The following TCTN1 variants were observed in gnomAD, a reference collection of about 807,000 sequenced individuals.
TCTN1 encodes tectonic-1.
TCTN1 carries 58 observed loss-of-function variants against 65.8 expected under a neutral mutation model. The ratio of observed to expected loss-of-function variants is 0.88; its 90% CI spans 0.71 to 1.10. TCTN1 has a LOEUF of 1.10. Ranked by LOEUF, TCTN1 falls within the 50% of genes least tolerant of loss-of-function variation. The probability of loss-of-function intolerance (pLI) is 0.00; values close to 1 mark genes in which losing one functional copy is unlikely to be tolerated. For missense variants in TCTN1, 645 were observed against 719.4 expected (o/e 0.90, Z 1.18); for synonymous variants, 273 against 289.1 (o/e 0.94, Z 0.57).
At chr12:110,618,869 C>A (rs941083782) in intron 1 of TCTN1, among the ~76,000 whole-genome samples, 2 of 151,934 alleles carry the variant, frequency 1.3e-5, no homozygotes, top group African/African-American at 4.8e-5. Context: ...AAAAATCATC[C>A]TTATTAATGA....
rs1349186684 is a variant in TCTN1, at chr12:110,639,532, T to G, written c.844-851T>G. ...ATTGGGTCAAATGAATATTCGGGGG[T>G]GTGTGGGGGCTTAAGGATATATATC... On this transcript the variant is annotated intron_variant, in intron 7 of 14. Transcript: ENST00000397659. The surrounding 1 kb of genome is among the most constrained non-coding windows in gnomAD (Gnocchi z 4.9). 6.6e-6 allele frequency among the ~76,000 whole-genome samples: 1 copy of G among 151,486 alleles called. No homozygotes were observed. The highest frequency in any genetic ancestry group is 2.4e-5 in the African/African-American group (1 of 41,160).
chr12:110,629,897 A>G (rs1371087457), intron 4 of TCTN1: 1 of 152,246 alleles, frequency 6.6e-6, no homozygotes, highest in Non-Finnish European at 1.5e-5. Flanking sequence ...CACAACATGG[A>G]ATGCTAAGCA....
chr12:110,636,237 C>G (rs1269309265), intron 6 of TCTN1: 3 of 457,138 alleles, frequency 6.6e-6, no homozygotes, highest in Non-Finnish European at 8.0e-6. Context: ...CTTCCTGAGA[C>G]TAGCTTGGTG....
chr12:110,626,261 T>A (rs2065836011), intron 2 of TCTN1, 101 bp from the exon 3 acceptor site: 1 of 1,326,298 alleles, frequency 7.5e-7, no homozygotes. Context: ...ACGTAACTGT[T>A]AACATAGTAC....
intron 11 of TCTN1, 56 bp downstream of exon 11, chr12:110,642,445 C>G: frequency 6.2e-7 from 1 of 1,613,146 alleles, no homozygotes; most frequent in South Asian, 1.1e-5. Context: ...ACAAAGCATT[C>G]TCACTTTTCC....
intron 1 of TCTN1, among the ~76,000 whole-genome samples, chr12:110,614,979 G>A (rs974882669): frequency 6.6e-6 from 1 of 152,190 alleles, no homozygotes; most frequent in Admixed American, 6.5e-5. Context: ...TACACATTTA[G>A]TGGAAATATT....
chr12:110,620,143 C>G (rs938822028), intron 2 of TCTN1, among the ~76,000 whole-genome samples, 187 bp downstream of exon 2: 3 of 152,180 alleles, frequency 2.0e-5, no homozygotes, highest in African/African-American at 7.2e-5. Flanking sequence ...CGCAGTGGCT[C>G]ACGCCTGTAA....
Position 110,649,348 on chromosome 12 carries a change from C to G in TCTN1, c.*307C>G. The G allele has an allele frequency of 7.4e-7, 1 of 1,359,950 alleles. No homozygotes were observed. The highest frequency in any genetic ancestry group is 1.0e-6 in the Non-Finnish European group (1 of 958,676). The allele number at this position is 1,359,950 out of a possible 1,614,324, so 84.2% of individuals were successfully genotyped here. On this transcript the variant is annotated 3_prime_UTR_variant, in exon 15 of 15. Coordinates refer to ENST00000397659, the MANE Select transcript of TCTN1 (RefSeq NM_001082538.3). ...AAGCGGCCCAGGAGGGGCAGCTGTT[C>G]CTCTCGTGACAGCACAGGCCCATGA...
intron 7 of TCTN1, among the ~76,000 whole-genome samples, chr12:110,637,035 G>A (rs1040865225): frequency 6.6e-6 from 1 of 152,222 alleles, no homozygotes; most frequent in African/African-American, 2.4e-5. Context: ...GGCTATGTCA[G>A]AAGGAATGTG....
intron 12 of TCTN1, chr12:110,645,358 T>C: frequency 1.8e-6 from 1 of 559,210 alleles, no homozygotes; most frequent in South Asian, 2.0e-5. Context: ...CGCTAGTCAA[T>C]AGTGAGTGAA....
At chr12:110,632,720 C>T in intron 5 of TCTN1, 161 bp downstream of exon 5, 1 of 697,280 alleles carries the variant, frequency 1.4e-6, no homozygotes, top group South Asian at 1.5e-5. Context: ...ATTAAACAGG[C>T]CTCGTAACTA....
rs1278072636 is a variant in TCTN1 at position 110,639,927 on chromosome 12, C to G, written c.844-456C>G. ...CGTATAAATGGAATTAGAACTGTGG[C>G]CTTTTGTGTCTGGCTTCCATGACTT... On this transcript the variant is annotated intron_variant, in intron 7 of 14. Transcript: ENST00000397659. The surrounding 1 kb of genome is among the most constrained non-coding windows in gnomAD (Gnocchi z 4.9). Among the ~76,000 whole-genome samples, 1 of 152,142 alleles carries G rather than the reference C, an allele frequency of 6.6e-6. No homozygotes were observed. The highest frequency in any genetic ancestry group is 6.5e-5 in the Admixed American group (1 of 15,270).
At chr12:110,638,000 A>C (rs914272733) in intron 7 of TCTN1, among the ~76,000 whole-genome samples, 2 of 152,112 alleles carry the variant, frequency 1.3e-5, no homozygotes, top group Admixed American at 6.5e-5. Flanking sequence ...GACTGTTCTA[A>C]GTGCTGTATG....
intron 14 of TCTN1, chr12:110,648,693 A>C: frequency 4.6e-6 from 1 of 216,844 alleles, no homozygotes; most frequent in South Asian, 6.4e-5. Flanking sequence ...TCTAATTGCC[A>C]TTTCTGCACC....
chr12:110,645,947 G>T (rs2067269712), intron 12 of TCTN1: 1 of 152,058 alleles, frequency 6.6e-6, no homozygotes, highest in African/African-American at 2.4e-5. Flanking sequence ...GGATTACTCA[G>T]TCCCTGCCGT....
At chr12:110,628,131 G>T (rs1020358394) in intron 3 of TCTN1, 5 of 1,536,036 alleles carry the variant, frequency 3.3e-6, no homozygotes, top group Non-Finnish European at 4.4e-6. Flanking sequence ...CATCCGGAGA[G>T]AGCTTCTCCT....
Position 110,628,808 on chromosome 12 carries a change from G to T in TCTN1, c.514G>T (p.Glu172Ter). ...LSFINPEVPDENNFDTLMKTS... is the reference protein window; with the variant it reads ...LSFINPEVPD ...CTTTATTAATCCAGAAGTACCTGAT[G>T]AAAACAATTTTGATACATTGATGAA... Residue 172 changes from glutamate (E) to a stop codon, truncating the protein, a stop_gained, in exon 4 of 15, where the codon GAA (glutamate) becomes TAA (stop). Transcript: ENST00000397659. LOFTEE classifies it high-confidence loss of function. The T allele has an allele frequency of 3.1e-6, 5 of 1,612,092 alleles. No individual in the cohort carries two copies. The highest frequency in any genetic ancestry group is 4.2e-6 in the Non-Finnish European group (5 of 1,178,690).
chr12:110,626,143 C>T (rs2135973501), intron 2 of TCTN1, among the ~76,000 whole-genome samples: 1 of 151,346 alleles, frequency 6.6e-6, no homozygotes, highest in South Asian at 2.1e-4. Flanking sequence ...GGCTAGAGTG[C>T]AGTGGCGCGA....
intron 14 of TCTN1, chr12:110,648,742 G>A (rs1186629857): frequency 2.7e-5 from 7 of 259,346 alleles, no homozygotes; most frequent in Non-Finnish European, 5.2e-5. Flanking sequence ...TGGCAGGCTG[G>A]TATGGGTGCC....
Sources: allele counts gnomAD v4.1 joint callset (sites outside exome capture counted in the v4.1 genomes callset), GRCh38; gene constraint gnomAD v4.1.1; non-coding constraint Gnocchi (gnomAD v3.1); transcripts MANE v1.5; gene names NCBI Gene and HGNC (gene_info 2026-07-23, HGNC 2026-07-21).